The following PID1 variants were observed in gnomAD, a reference collection of about 807,000 sequenced individuals.
PID1 encodes phosphotyrosine interaction domain containing 1.
A neutral mutation model predicts 19.1 loss-of-function variants in PID1; 10 were observed. The ratio of observed to expected loss-of-function variants is 0.52; its 90% CI spans 0.32 to 0.89. PID1 has a LOEUF of 0.89. Among genes scored for constraint, PID1 ranks in the 40% least tolerant of loss-of-function variants. The pLI is 0.03. For synonymous variants in PID1, 130 were observed against 116.0 expected (o/e 1.12, Z -0.78); for missense variants, 248 against 285.3 (o/e 0.87, Z 0.94).
At chr2:229,058,086 T>A (rs1487403393) in intron 2 of PID1, among the ~76,000 whole-genome samples, 10 of 152,180 alleles carry the variant, frequency 6.6e-5, no homozygotes, top group Non-Finnish European at 1.5e-4. Flanking sequence ...ATAAATATAA[T>A]TTTCATGGCT....
At chr2:229,072,001 GTCAT>G (rs1368201569) in intron 2 of PID1, among the ~76,000 whole-genome samples, 2 of 152,106 alleles carry the variant, frequency 1.3e-5, no homozygotes, top group Non-Finnish European at 2.9e-5. Context: ...ATGGCCCTGT[GTCAT>G]TCTATAGTTT....
intron 1 of PID1, among the ~76,000 whole-genome samples, chr2:229,233,879 G>T (rs2106269722): frequency 6.6e-6 from 1 of 152,252 alleles, no homozygotes; most frequent in African/African-American, 2.4e-5. Context: ...ATTGTTTTTA[G>T]CCAGTCAATC....
At position 229,087,062 on chromosome 2, in the gene PID1, G is replaced by A. The variant is rs186173578; in HGVS notation, c.178-60954C>T. On this transcript the variant is annotated intron_variant, in intron 2 of 2. Transcript: ENST00000392055. ...AGATTAAGTAAAGAAGACAGCTGCT[G>A]CATTCAAGGATTCAAAGTCTGAGGC... is the stretch of plus-strand genomic sequence containing the variant. Among the ~76,000 whole-genome samples the A allele has an allele frequency of 4.6e-3, 706 of 152,268 alleles. 5 individuals are homozygous for A. The highest frequency in any genetic ancestry group is 8.1e-3 in the South Asian group (39 of 4,828).
chr2:229,056,564 A>C (rs1449600335), intron 2 of PID1, among the ~76,000 whole-genome samples: 3 of 151,680 alleles, frequency 2.0e-5, no homozygotes, highest in African/African-American at 7.3e-5. Context: ...AAAAGTAAAA[A>C]AACATATTTC....
intron 1 of PID1, 116 bp downstream of exon 1, chr2:229,270,898 C>T (rs541481019): frequency 2.4e-6 from 2 of 842,672 alleles, no homozygotes; most frequent in Non-Finnish European, 3.6e-6. Flanking sequence ...GCCATCGATG[C>T]GTCTTACAAG....
intron 2 of PID1, among the ~76,000 whole-genome samples, chr2:229,065,478 T>C (rs1184129414): frequency 6.6e-6 from 1 of 152,014 alleles, no homozygotes; most frequent in East Asian, 1.9e-4. Flanking sequence ...ATTAATCTCA[T>C]TTCTATTATA....
In PID1 at chr2:229,265,001, T is replaced by C. The variant is rs181620127; in HGVS notation, c.30+6013A>G. 2.0e-5 allele frequency among the ~76,000 whole-genome samples: 3 copies of C among 152,268 alleles called. No individual in the cohort carries two copies. In the East Asian group the frequency reaches 5.8e-4, roughly 29 times the overall value. ...TATTGAGCACCTACTATACGCTACA[T>C]ACCAAAATCTCTGCAAAGCACATCT... On this transcript the variant is annotated intron_variant, in intron 1 of 2. Coordinates refer to ENST00000392055, the MANE Select transcript of PID1 (RefSeq NM_001100818.2).
intron 2 of PID1, among the ~76,000 whole-genome samples, chr2:229,082,112 G>T (rs1694679887): frequency 6.6e-6 from 1 of 152,190 alleles, no homozygotes; most frequent in Non-Finnish European, 1.5e-5. Context: ...TCAAGATCAG[G>T]TGTTCTTGAG....
At chr2:229,270,935 A>T in intron 1 of PID1, 79 bp downstream of exon 1, 1 of 1,323,830 alleles carries the variant, frequency 7.6e-7, no homozygotes, top group Non-Finnish European at 1.0e-6. Flanking sequence ...CCCCTAAAGT[A>T]GGCAGAAGCA....
chr2:229,075,067 C>T (rs1694530398), intron 2 of PID1, among the ~76,000 whole-genome samples: 1 of 152,194 alleles, frequency 6.6e-6, no homozygotes, highest in South Asian at 2.1e-4. Context: ...AACATCATCA[C>T]CTAGCCTACC....
intron 1 of PID1, among the ~76,000 whole-genome samples, chr2:229,206,591 A>G (rs1468386688): frequency 6.6e-6 from 1 of 152,182 alleles, no homozygotes; most frequent in Admixed American, 6.5e-5. Context: ...AGCTAAACAG[A>G]CCCAATTCTA....
chr2:229,043,179 T>C (rs561122687), intron 2 of PID1, among the ~76,000 whole-genome samples: 11 of 152,190 alleles, frequency 7.2e-5, no homozygotes, highest in African/African-American at 2.4e-4. Context: ...CTAATTTTTG[T>C]ATTTTTAGTA....
intron 1 of PID1, among the ~76,000 whole-genome samples, chr2:229,261,975 T>TA (rs1172212171): frequency 6.6e-6 from 1 of 151,424 alleles, no homozygotes; most frequent in Non-Finnish European, 1.5e-5. Flanking sequence ...AGTTATCAAG[T>TA]AAAAAACAAA....
chr2:229,066,839 G>A (rs1490969986), intron 2 of PID1, among the ~76,000 whole-genome samples: 2 of 151,920 alleles, frequency 1.3e-5, no homozygotes, highest in Non-Finnish European at 2.9e-5. Context: ...GTGTGATTTG[G>A]CCGATCCACT....
intron 2 of PID1, among the ~76,000 whole-genome samples, chr2:229,063,774 AT>A (rs1486609225): frequency 6.6e-6 from 1 of 152,150 alleles, no homozygotes; most frequent in Non-Finnish European, 1.5e-5. Flanking sequence ...CTTTAGATCT[AT>A]TAAAAATAAC....
chr2:229,269,349 T>C (rs918703636), intron 1 of PID1, among the ~76,000 whole-genome samples: 1 of 152,234 alleles, frequency 6.6e-6, no homozygotes, highest in Non-Finnish European at 1.5e-5. Flanking sequence ...GCAATCTCTA[T>C]GGGAAGGCAA....
chr2:229,025,595 G>T lies in PID1; in HGVS notation c.*37C>A. 1.3e-6 allele frequency: 2 copies of T among 1,488,880 alleles called. No homozygotes were observed. The highest frequency in any genetic ancestry group is 2.3e-5 in the South Asian group (2 of 85,142). The allele number at this position is 1,488,880 out of a possible 1,614,324, so 92.2% of individuals were successfully genotyped here. On this transcript the variant is annotated 3_prime_UTR_variant, in exon 3 of 3. Transcript: ENST00000392055. ...ACTCATCTATTCCCTTGAACTCCGT[G>T]ACCAATGCTGCCTTTGCTGAAGCGT... is the stretch of plus-strand genomic sequence containing the variant.
intron 1 of PID1, among the ~76,000 whole-genome samples, chr2:229,192,877 T>C (rs1016148177): frequency 2.6e-5 from 4 of 152,200 alleles, no homozygotes; most frequent in Non-Finnish European, 5.9e-5. Flanking sequence ...GGTAATTTGC[T>C]CTCAGCCACA....
Position 229,225,883 on chromosome 2 carries a change from T to C in PID1, c.30+45131A>G, listed in dbSNP as rs1223215871. Reference sequence around the variant, plus strand: ...AACAGCATGGAGGTAACCAGCCCCATGATTCTGTTATCTCCCACTGGGTCC... The same window carrying C: ...AACAGCATGGAGGTAACCAGCCCCACGATTCTGTTATCTCCCACTGGGTCC... On this transcript the variant is annotated intron_variant, in intron 1 of 2. Coordinates refer to ENST00000392055, the MANE Select transcript of PID1 (RefSeq NM_001100818.2). Among the ~76,000 whole-genome samples, 2 of 152,140 alleles carry C rather than the reference T, an allele frequency of 1.3e-5. 1 individual carries two copies. The highest frequency in any genetic ancestry group is 6.3e-3 in the Middle Eastern group (2 of 316).
Sources: allele counts gnomAD v4.1 joint callset (sites outside exome capture counted in the v4.1 genomes callset), GRCh38; gene constraint gnomAD v4.1.1; transcripts MANE v1.5; gene names NCBI Gene and HGNC (gene_info 2026-07-23, HGNC 2026-07-21).